The following KIRREL1 variants were observed in gnomAD, a reference collection of about 807,000 sequenced individuals.
The protein encoded by KIRREL1 is kirre like nephrin family adhesion molecule 1.
In KIRREL1, 25 loss-of-function variants were observed where a neutral mutation model predicts 83.3. The ratio of observed to expected loss-of-function variants is 0.30; its 90% CI spans 0.22 to 0.42. The LOEUF (loss-of-function observed/expected upper bound fraction) is 0.42. Among genes scored for constraint, KIRREL1 ranks in the 10% least tolerant of loss-of-function variants. The pLI is 1.00. For missense variants in KIRREL1, 812 were observed against 1,032.3 expected, an observed-to-expected ratio of 0.79 and a Z score of 2.92; for synonymous variants, 388 against 410.4, an observed-to-expected ratio of 0.95 and a Z score of 0.66.
chr1:158,075,521 T>C (rs1661654013), intron 1 of KIRREL1, among the ~76,000 whole-genome samples: 1 of 152,238 alleles, frequency 6.6e-6, no homozygotes, highest in Admixed American at 6.5e-5. Flanking sequence ...CCAGGAAGCT[T>C]CTATACACAC....
At chr1:158,019,748 G>A (rs1204637417) in intron 1 of KIRREL1, among the ~76,000 whole-genome samples, 2 of 152,158 alleles carry the variant, frequency 1.3e-5, no homozygotes, top group African/African-American at 4.8e-5. Flanking sequence ...AAGAGAAAGA[G>A]GCAGGAGAGG....
Position 158,094,501 on chromosome 1 carries a change from G to A in KIRREL1, c.1797+111G>A. The A allele has an allele frequency of 7.5e-7, 1 of 1,334,414 alleles. No individual in the cohort carries two copies. The highest frequency in any genetic ancestry group is 1.1e-6 in the Non-Finnish European group (1 of 929,612). The allele number at this position is 1,334,414 out of a possible 1,614,324, so 82.7% of individuals were successfully genotyped here. A position where few individuals can be genotyped will look rare whatever the true frequency, so the allele number is the denominator to read the frequency against. Reference sequence around the variant, plus strand: ...CAGACTTGGGGAGGAGTGGTTGGGAGGGTTTTTGAAGGAGCAGAGGAGGTG... The same window carrying A: ...CAGACTTGGGGAGGAGTGGTTGGGAAGGTTTTTGAAGGAGCAGAGGAGGTG... On this transcript the variant is annotated intron_variant, in intron 14 of 14. Coordinates refer to ENST00000359209, the MANE Select transcript of KIRREL1 (RefSeq NM_018240.7). The surrounding 1 kb of genome is among the most constrained non-coding windows in gnomAD (Gnocchi z 4.6).
chr1:158,087,084 C>T (rs1030576935), intron 5 of KIRREL1, among the ~76,000 whole-genome samples: 5 of 152,066 alleles, frequency 3.3e-5, no homozygotes, highest in African/African-American at 7.2e-5. Flanking sequence ...AAAAGTGGTT[C>T]GATGGTGCAG....
At chr1:158,047,467 T>C (rs1660806652) in intron 1 of KIRREL1, among the ~76,000 whole-genome samples, 1 of 152,186 alleles carries the variant, frequency 6.6e-6, no homozygotes, top group Admixed American at 6.5e-5. Context: ...ACCGAGAGCC[T>C]ATTTGGCCTA....
chr1:157,999,409 T>A (rs1659293907), intron 1 of KIRREL1, among the ~76,000 whole-genome samples: 1 of 152,222 alleles, frequency 6.6e-6, no homozygotes, highest in East Asian at 1.9e-4. Context: ...GATAGAGAGA[T>A]ACACTCATCC....
rs544382353 is a variant in KIRREL1, at chr1:158,017,479, G to C, written c.52+23751G>C. On this transcript the variant is annotated intron_variant, in intron 1 of 14. Transcript: ENST00000359209. ...AGCTGAGGAGGGCGGATCACTTGAG[G>C]ACAGGAGTTTGAGACCAGTCTGGCC... 2.2e-3 allele frequency among the ~76,000 whole-genome samples: 329 copies of C among 152,072 alleles called. 2 individuals carry two copies. Among genetic ancestry groups the C allele is most frequent in the African/African-American group, 7.6e-3 (315 of 41,480 alleles).
chr1:158,028,015 G>T (rs1660220032), intron 1 of KIRREL1, among the ~76,000 whole-genome samples: 2 of 152,154 alleles, frequency 1.3e-5, no homozygotes, highest in South Asian at 4.1e-4. Context: ...TTCCCTGCAG[G>T]TTTTAATAAT....
rs1662340298 is a variant in KIRREL1, at chr1:158,095,777, G to A, written c.*657G>A. On this transcript the variant is annotated 3_prime_UTR_variant, in exon 15 of 15. Coordinates refer to ENST00000359209, the MANE Select transcript of KIRREL1 (RefSeq NM_018240.7). ...GTGGACAGCTGTCTGTCAGCATGCA[G>A]AGGGATCCAGGAATCCCCCCGGCAG... The A allele has an allele frequency of 1.3e-5, 2 of 152,454 alleles. No individual in the cohort carries two copies. The highest frequency in any genetic ancestry group is 1.5e-5 in the Non-Finnish European group (1 of 68,128). 9.4% of individuals were successfully genotyped at this position (152,454 alleles called of 1,614,324 possible). A position where few individuals can be genotyped will look rare whatever the true frequency, so the allele number is the denominator to read the frequency against.
At position 158,098,586 on chromosome 1, in the gene KIRREL1, A is replaced by AT. The variant is rs1414412241; in HGVS notation, c.*3470dup. The AT allele has an allele frequency of 6.6e-6, 1 of 152,200 alleles. No individual in the cohort carries two copies. The highest frequency in any genetic ancestry group is 1.5e-5 in the Non-Finnish European group (1 of 68,050). 9.4% of individuals were successfully genotyped at this position (152,200 alleles called of 1,614,324 possible). A position where few individuals can be genotyped will look rare whatever the true frequency, so the allele number is the denominator to read the frequency against. On this transcript the variant is annotated 3_prime_UTR_variant, in exon 15 of 15. Transcript: ENST00000359209. ...TCTGGATCTTGAGGAGGATCTTGTG[A>AT]TTTTGGCTGAGCCACGGTCACTTCC...
intron 1 of KIRREL1, among the ~76,000 whole-genome samples, chr1:158,018,788 T>A (rs1659914152): frequency 6.6e-6 from 1 of 152,120 alleles, no homozygotes; most frequent in South Asian, 2.1e-4. Context: ...TGAGAACCAT[T>A]TGTGGCAAGC....
At chr1:158,073,527 C>A (rs1038963761) in intron 1 of KIRREL1, among the ~76,000 whole-genome samples, 79 of 152,324 alleles carry the variant, frequency 5.2e-4, no homozygotes, top group African/African-American at 1.8e-3. Context: ...GTTTACCAGG[C>A]AGGAAAATGA....
rs922627546 is a variant in KIRREL1, at chr1:158,012,888, C to T, written c.52+19160C>T. On this transcript the variant is annotated intron_variant, in intron 1 of 14. Transcript: ENST00000359209. ...ACTTGCTTAAGCTGGACACAGCTAA[C>T]CCTTTGTTGTGGGGGCTGTCCTGTA... 9.2e-5 allele frequency among the ~76,000 whole-genome samples: 14 copies of T among 152,344 alleles called. No individual in the cohort carries two copies. The East Asian group carries it at 2.7e-3, about 29-fold the overall frequency.
intron 1 of KIRREL1, among the ~76,000 whole-genome samples, chr1:157,996,721 G>A (rs557662711): frequency 6.6e-6 from 1 of 152,354 alleles, no homozygotes; most frequent in East Asian, 1.9e-4. Flanking sequence ...GCCCAGAGCA[G>A]GGCGCTGAGG....
chr1:158,071,628 C>T (rs936887933), intron 1 of KIRREL1, among the ~76,000 whole-genome samples: 6 of 152,200 alleles, frequency 3.9e-5, no homozygotes, highest in African/African-American at 1.2e-4. Context: ...GTTCCCCTCC[C>T]ACCTGGCCCC....
chr1:158,037,013 T>C (rs1660493272), intron 1 of KIRREL1, among the ~76,000 whole-genome samples: 1 of 152,164 alleles, frequency 6.6e-6, no homozygotes, highest in Admixed American at 6.5e-5. Flanking sequence ...AGCTGGGCCC[T>C]TCAGGGCCTC....
intron 1 of KIRREL1, among the ~76,000 whole-genome samples, chr1:158,013,947 C>A (rs1026879592): frequency 4.6e-5 from 7 of 152,184 alleles, no homozygotes; most frequent in Non-Finnish European, 1.0e-4. Context: ...AGCAGATCCC[C>A]CACCTTCCCT....
rs529915890 is a variant in KIRREL1 at position 157,997,024 on chromosome 1, G to A, written c.52+3296G>A. ...AGGAAGCCCCACCTCTGCCCCCCTAGGACCTCTTTACACCCTTACAAGGAC... is the reference window on the plus strand; with the variant it reads ...AGGAAGCCCCACCTCTGCCCCCCTAAGACCTCTTTACACCCTTACAAGGAC... On this transcript the variant is annotated intron_variant, in intron 1 of 14. Transcript: ENST00000359209. Among the ~76,000 whole-genome samples, 12 of 152,244 alleles carry A rather than the reference G, an allele frequency of 7.9e-5. No individual in the cohort carries two copies. The South Asian group carries it at 2.5e-3, about 32-fold the overall frequency.
intron 3 of KIRREL1, among the ~76,000 whole-genome samples, chr1:158,082,856 CT>C (rs1661904505): frequency 6.6e-6 from 1 of 152,020 alleles, no homozygotes; most frequent in Admixed American, 6.6e-5. Flanking sequence ...GTTTCTGATA[CT>C]TGGGAAGCCG....
chr1:157,995,053 A>C (rs1293876017), intron 1 of KIRREL1, among the ~76,000 whole-genome samples: 1 of 152,244 alleles, frequency 6.6e-6, no homozygotes, highest in East Asian at 1.9e-4. Context: ...CAGACTGCAG[A>C]TGGAGGAGGT....
Sources: allele counts gnomAD v4.1 joint callset (sites outside exome capture counted in the v4.1 genomes callset), GRCh38; gene constraint gnomAD v4.1.1; non-coding constraint Gnocchi (gnomAD v3.1); transcripts MANE v1.5; gene names NCBI Gene and HGNC (gene_info 2026-07-23, HGNC 2026-07-21).